The following PCDHA8 variants were observed in gnomAD, a reference collection of about 807,000 sequenced individuals.
The protein encoded by PCDHA8 is protocadherin alpha 8, also known as protocadherin alpha-8.
A neutral mutation model predicts 61.8 loss-of-function variants in PCDHA8; 53 were observed. The ratio of observed to expected loss-of-function variants is 0.86; its 90% confidence interval spans 0.69 to 1.08. PCDHA8 has a LOEUF of 1.08. Among genes scored for constraint, PCDHA8 ranks in the 50% least tolerant of loss-of-function variants. The probability of loss-of-function intolerance (pLI) is 0.00; values close to 1 mark genes in which losing one functional copy is unlikely to be tolerated. For synonymous variants in PCDHA8, 618 were observed against 556.6 expected, an observed-to-expected ratio of 1.11 and a Z score of -1.55; for missense variants, 1,293 against 1,245.0, an observed-to-expected ratio of 1.04 and a Z score of -0.58.
At chr5:140,872,997 A>G (rs1391702817) in intron 1 of PCDHA8, among the ~76,000 whole-genome samples, 2 of 152,104 alleles carry the variant, frequency 1.3e-5, no homozygotes, top group East Asian at 3.9e-4. Flanking sequence ...TTTACTTCTG[A>G]GTCATTCTTC....
At chr5:140,998,977 ATAG>A (rs2097842205) in intron 3 of PCDHA8, among the ~76,000 whole-genome samples, 1 of 152,242 alleles carries the variant, frequency 6.6e-6, no homozygotes, top group African/African-American at 2.4e-5. Flanking sequence ...ATCCTAGAAA[ATAG>A]TAGAAAGCAG....
chr5:140,869,813 A>G, intron 1 of PCDHA8: 2 of 1,612,416 alleles, frequency 1.2e-6, no homozygotes, highest in Non-Finnish European at 1.7e-6. Context: ...GATGTCAACG[A>G]CAATGATCCA....
Position 140,852,234 on chromosome 5 carries a change from C to T in PCDHA8, c.2394+8519C>T, listed in dbSNP as rs2150513960. On this transcript the variant is annotated intron_variant, in intron 1 of 3. Coordinates refer to ENST00000531613, the MANE Select transcript of PCDHA8 (RefSeq NM_018911.3). The stretch of plus-strand genomic sequence containing the variant: ...AAAATATTTTAATTTTTAAATTTTC[C>T]CTTAAAACACACTTTTGGAATATGC... 9.0e-5 allele frequency: 51 copies of T among 567,386 alleles called. 1 individual carries two copies. In the East Asian group the frequency reaches 2.4e-3, roughly 26 times the overall value. 35.1% of individuals were successfully genotyped at this position (567,386 alleles called of 1,614,324 possible).
At chr5:140,867,556 A>G (rs578116609) in intron 1 of PCDHA8, 33 of 152,264 alleles carry the variant, frequency 2.2e-4, no homozygotes, top group African/African-American at 7.5e-4. Flanking sequence ...TACACATATG[A>G]TAACTTTTTC....
At chr5:140,850,849 G>C (rs2150500367) in intron 1 of PCDHA8, 4 of 1,596,076 alleles carry the variant, frequency 2.5e-6, no homozygotes, top group South Asian at 2.2e-5. Context: ...TCTACAGAGC[G>C]AACGGGAGAA....
chr5:140,854,133 G>A (rs1220974907), intron 1 of PCDHA8: 1 of 410,736 alleles, frequency 2.4e-6, no homozygotes, highest in Non-Finnish European at 3.2e-6. Flanking sequence ...CTGCATTTCA[G>A]CCCGGGTGAC....
At chr5:140,866,852 C>T (rs1004486221) in intron 1 of PCDHA8, 1 of 152,106 alleles carries the variant, frequency 6.6e-6, no homozygotes, top group Non-Finnish European at 1.5e-5. Flanking sequence ...TTAACAATAA[C>T]TGTATTGAAA....
intron 1 of PCDHA8, among the ~76,000 whole-genome samples, chr5:140,976,461 G>A (rs935204153): frequency 1.3e-5 from 2 of 152,120 alleles, no homozygotes; most frequent in African/African-American, 4.8e-5. Flanking sequence ...TGGGGAAGAA[G>A]AATTGCTTGA....
In PCDHA8 at chr5:140,884,002, C is replaced by G. The variant is rs1189374158; in HGVS notation, c.2394+40287C>G. 26 of 1,612,788 alleles carry G rather than the reference C, an allele frequency of 1.6e-5. No individual in the cohort carries two copies. Among genetic ancestry groups the G allele is most frequent in the Non-Finnish European group, 2.2e-5 (26 of 1,179,570 alleles). Reference sequence around the variant, plus strand: ...CTGGCAGCGCGGGAGGCACAGTGAGCGAGCTGATGCCGCGGTCGGTGGGTG... The same window carrying G: ...CTGGCAGCGCGGGAGGCACAGTGAGGGAGCTGATGCCGCGGTCGGTGGGTG... On this transcript the variant is annotated intron_variant, in intron 1 of 3. Coordinates refer to ENST00000531613, the MANE Select transcript of PCDHA8 (RefSeq NM_018911.3).
At chr5:140,864,890 G>T (rs1554159190) in intron 1 of PCDHA8, 1 of 152,170 alleles carries the variant, frequency 6.6e-6, no homozygotes, top group Non-Finnish European at 1.5e-5. Context: ...TCATTAAGCT[G>T]CATGGTCTTC....
At chr5:140,857,658 G>A (rs17844344) in intron 1 of PCDHA8, 3 of 1,596,790 alleles carry the variant, frequency 1.9e-6, no homozygotes, top group East Asian at 2.2e-5. Context: ...GTGAGCGCGC[G>A]CGATGGGGGC....
At chr5:140,996,929 C>T (rs1437008519) in intron 3 of PCDHA8, among the ~76,000 whole-genome samples, 2 of 152,070 alleles carry the variant, frequency 1.3e-5, no homozygotes, top group African/African-American at 2.4e-5. Flanking sequence ...AAAAATATAG[C>T]ATTTTTGCAT....
chr5:140,846,559 A>G (rs1780557744), intron 1 of PCDHA8, among the ~76,000 whole-genome samples: 1 of 147,840 alleles, frequency 6.8e-6, no homozygotes, highest in South Asian at 2.1e-4. Context: ...TATTTTTAGT[A>G]GAGTCGGGGT....
chr5:140,880,309 A>G (rs2058299906), intron 1 of PCDHA8, among the ~76,000 whole-genome samples: 1 of 152,236 alleles, frequency 6.6e-6, no homozygotes. Flanking sequence ...TGAAAGAAAC[A>G]AGTAAAAAAT....
chr5:140,998,646 C>A (rs1413467899), intron 3 of PCDHA8, among the ~76,000 whole-genome samples: 1 of 151,870 alleles, frequency 6.6e-6, no homozygotes, highest in Non-Finnish European at 1.5e-5. Context: ...CTCACTGCAA[C>A]CTCTGCCTCC....
chr5:140,851,230 A>G (rs1327220273), intron 1 of PCDHA8: 1 of 1,136,468 alleles, frequency 8.8e-7, no homozygotes, highest in Non-Finnish European at 1.1e-6. Flanking sequence ...ACTATCATTT[A>G]TTTATTGCTA....
chr5:140,848,892 T>A (rs2150423742), intron 1 of PCDHA8: 2 of 1,601,494 alleles, frequency 1.2e-6, no homozygotes, highest in East Asian at 2.2e-5. Context: ...CCCTCCAGTG[T>A]TCCCAGCGAC....
chr5:140,974,553 C>G (rs1554236197), intron 1 of PCDHA8, among the ~76,000 whole-genome samples: 1 of 151,870 alleles, frequency 6.6e-6, no homozygotes, highest in African/African-American at 2.4e-5. Context: ...CTCTTGTTGC[C>G]CAGGCTGGAG....
chr5:140,920,374 G>T (rs1427300257), intron 1 of PCDHA8, among the ~76,000 whole-genome samples: 1 of 151,964 alleles, frequency 6.6e-6, no homozygotes, highest in East Asian at 1.9e-4. Flanking sequence ...TATTCTTGTG[G>T]ATTCATATTA....
Sources: allele counts gnomAD v4.1 joint callset (sites outside exome capture counted in the v4.1 genomes callset), GRCh38; gene constraint gnomAD v4.1.1; transcripts MANE v1.5; gene names NCBI Gene and HGNC (gene_info 2026-07-23, HGNC 2026-07-21).